The following SPAG16 variants were observed in gnomAD, a reference collection of about 807,000 sequenced individuals.
SPAG16 encodes sperm associated antigen 16.
Under a neutral mutation model 80.4 loss-of-function variants are expected in SPAG16, and 86 were observed. The ratio of observed to expected loss-of-function variants is 1.07; its 90% CI spans 0.90 to 1.28. The LOEUF (loss-of-function observed/expected upper bound fraction) is 1.28, where lower values mean the gene tolerates loss of function less well. Among genes scored for constraint, SPAG16 ranks in the 50% most tolerant of loss-of-function variants. SPAG16 has a pLI of 0.00. For missense variants in SPAG16, 870 were observed against 765.3 expected (o/e 1.14, Z -1.61); for synonymous variants, 294 against 265.9 (o/e 1.11, Z -1.03).
intron 9 of SPAG16, among the ~76,000 whole-genome samples, chr2:213,397,126 C>T (rs1268075530): frequency 6.6e-6 from 1 of 152,130 alleles, no homozygotes; most frequent in Non-Finnish European, 1.5e-5. Flanking sequence ...AAGAAGAAAA[C>T]AAAAGCCTTG....
chr2:213,635,573 A>G (rs1322176803), intron 10 of SPAG16, among the ~76,000 whole-genome samples: 3 of 152,130 alleles, frequency 2.0e-5, no homozygotes, highest in Non-Finnish European at 4.4e-5. Flanking sequence ...CCATGCCAAC[A>G]TCTATTATAT....
chr2:214,013,515 C>T (rs2047424752), intron 12 of SPAG16, among the ~76,000 whole-genome samples: 1 of 152,158 alleles, frequency 6.6e-6, no homozygotes, highest in Non-Finnish European at 1.5e-5. Context: ...CCCCCAGTCT[C>T]TGGTAGCCAC....
chr2:213,478,742 A>T (rs1442820238), intron 9 of SPAG16, among the ~76,000 whole-genome samples: 2 of 152,128 alleles, frequency 1.3e-5, no homozygotes, highest in African/African-American at 4.8e-5. Context: ...GTTCTGGAAG[A>T]TTCTGCCATA....
chr2:214,192,359 T>C (rs541816450), intron 15 of SPAG16, among the ~76,000 whole-genome samples: 1 of 152,248 alleles, frequency 6.6e-6, no homozygotes, highest in South Asian at 2.1e-4. Flanking sequence ...TAATGAATAA[T>C]GTTAAATTTG....
chr2:214,105,745 C>A (rs915133246), intron 13 of SPAG16, among the ~76,000 whole-genome samples: 2 of 152,040 alleles, frequency 1.3e-5, no homozygotes, highest in Admixed American at 1.3e-4. Context: ...ATTTTAATGT[C>A]CCAGTTTGAG....
intron 13 of SPAG16, among the ~76,000 whole-genome samples, chr2:214,063,174 G>A (rs2050365775): frequency 6.6e-6 from 1 of 152,078 alleles, no homozygotes; most frequent in Non-Finnish European, 1.5e-5. Context: ...ATAGCCATGT[G>A]TGATAAATGG....
At chr2:213,783,431 T>A (rs995125117) in intron 10 of SPAG16, among the ~76,000 whole-genome samples, 5 of 148,820 alleles carry the variant, frequency 3.4e-5, no homozygotes, top group African/African-American at 1.2e-4. Flanking sequence ...GCAGAGTATC[T>A]ATATCTATTA....
intron 10 of SPAG16, among the ~76,000 whole-genome samples, chr2:213,529,136 CAT>C (rs1183956294): frequency 5.9e-5 from 9 of 152,118 alleles, no homozygotes; most frequent in African/African-American, 2.2e-4. Context: ...GTAGGGATGA[CAT>C]AAATTTCATT....
chr2:213,902,749 C>A (rs12470909), intron 11 of SPAG16, among the ~76,000 whole-genome samples: 49 of 152,186 alleles, frequency 3.2e-4, no homozygotes, highest in African/African-American at 1.1e-3. Context: ...TCAGCATTAA[C>A]CCAAAAGTCC....
intron 9 of SPAG16, among the ~76,000 whole-genome samples, chr2:213,433,597 G>A (rs966210426): frequency 1.3e-5 from 2 of 152,022 alleles, no homozygotes; most frequent in Admixed American, 6.5e-5. Flanking sequence ...AAGAAATTGT[G>A]GATGACACAA....
chr2:213,741,657 C>T (rs1358846215), intron 10 of SPAG16, among the ~76,000 whole-genome samples: 5 of 151,926 alleles, frequency 3.3e-5, no homozygotes, highest in Non-Finnish European at 2.9e-5. Context: ...TCCAAGAAGG[C>T]CATTTTTATT....
At chr2:213,702,079 T>C (rs1042852314) in intron 10 of SPAG16, among the ~76,000 whole-genome samples, 1 of 152,188 alleles carries the variant, frequency 6.6e-6, no homozygotes, top group Non-Finnish European at 1.5e-5. Context: ...GGAGAACTTT[T>C]ATGTCTAGCT....
At position 214,337,021 on chromosome 2, in the gene SPAG16, C is replaced by T. The variant is rs150406899; in HGVS notation, c.1721-73119C>T. 1.3e-3 allele frequency among the ~76,000 whole-genome samples: 191 copies of T among 147,460 alleles called. 1 individual carries two copies. Among genetic ancestry groups the T allele is most frequent in the African/African-American group, 4.2e-3 (172 of 41,054 alleles). ...ACAGAGACAGAAAATTGAAGCAAAA[C>T]AGTCACTTGCCTGCAGGTACTTGAC... On this transcript the variant is annotated intron_variant, in intron 15 of 15. Transcript: ENST00000331683.
At chr2:214,382,167 G>A (rs762573492) in intron 15 of SPAG16, among the ~76,000 whole-genome samples, 12 of 152,196 alleles carry the variant, frequency 7.9e-5, no homozygotes, top group Non-Finnish European at 1.3e-4. Context: ...GCTCACCCAC[G>A]TGAATGATGC....
intron 10 of SPAG16, among the ~76,000 whole-genome samples, chr2:213,695,956 G>T (rs76600168): frequency 0.015 from 2,270 of 152,268 alleles, 97 homozygotes; most frequent in East Asian, 0.11. Flanking sequence ...ATGGAGTTAC[G>T]TAAGGGTAGA....
intron 12 of SPAG16, among the ~76,000 whole-genome samples, chr2:214,011,549 C>G (rs1240457279): frequency 2.0e-5 from 3 of 152,108 alleles, no homozygotes; most frequent in African/African-American, 7.2e-5. Flanking sequence ...GGGAAAGCAG[C>G]AATAGACAAT....
At chr2:213,916,575 A>G (rs764786742) in intron 11 of SPAG16, among the ~76,000 whole-genome samples, 2 of 151,856 alleles carry the variant, frequency 1.3e-5, no homozygotes, top group African/African-American at 4.8e-5. Context: ...AATTCCCTTT[A>G]TAAAACCTTC....
At chr2:213,344,917 A>G (rs1051207272) in intron 6 of SPAG16, among the ~76,000 whole-genome samples, 1 of 152,188 alleles carries the variant, frequency 6.6e-6, no homozygotes, top group Non-Finnish European at 1.5e-5. Flanking sequence ...CGCTGGGTCA[A>G]ATGGTATTTC....
intron 15 of SPAG16, among the ~76,000 whole-genome samples, chr2:214,271,725 G>C (rs1692025793): frequency 1.3e-5 from 2 of 152,054 alleles, no homozygotes; most frequent in Non-Finnish European, 2.9e-5. Flanking sequence ...ACTTGAACCT[G>C]GGAGGCGGAG....
Sources: gnomAD v4.1 joint callset for allele counts (sites outside exome capture counted in the v4.1 genomes callset) on GRCh38, gnomAD v4.1.1 for gene constraint, MANE v1.5 for transcripts, NCBI Gene and HGNC (gene_info 2026-07-23, HGNC 2026-07-21) for gene names.